TLCD3A: variants seen among roughly 807,000 people sequenced by gnomAD.
The protein encoded by TLCD3A is TLC domain-containing protein 3A.
Under a neutral mutation model 29.9 loss-of-function variants are expected in TLCD3A, and 17 were observed. The ratio of observed to expected loss-of-function variants is 0.57; its 90% CI spans 0.39 to 0.85. The LOEUF is 0.85. Ranked by LOEUF, TLCD3A falls within the 40% of genes least tolerant of loss-of-function variation. TLCD3A has a pLI of 0.00. For synonymous variants in TLCD3A, 143 were observed against 147.7 expected, an observed-to-expected ratio of 0.97 and a Z score of 0.23; for missense variants, 332 against 350.8, an observed-to-expected ratio of 0.95 and a Z score of 0.43.
At chr17:734,478 T>A (rs1472376954) in intron 2 of TLCD3A, among the ~76,000 whole-genome samples, 1 of 150,802 alleles carries the variant, frequency 6.6e-6, no homozygotes, top group African/African-American at 2.4e-5. Flanking sequence ...TGGCTAACTT[T>A]TTTTTGTTGT....
intron 1 of TLCD3A, 134 bp downstream of exon 1, chr17:732,903 G>C (rs1240013770): frequency 1.2e-5 from 16 of 1,369,360 alleles, no homozygotes; most frequent in Non-Finnish European, 1.5e-5. Flanking sequence ...CCGGCGGCCC[G>C]AGTTTCCGAA....
chr17:733,003 G>C, intron 1 of TLCD3A, 95 bp from the exon 2 acceptor site: 5 of 1,460,128 alleles, frequency 3.4e-6, no homozygotes, highest in Non-Finnish European at 4.7e-6. Context: ...ACATCTGCCT[G>C]CGGCTGGGGA....
intron 4 of TLCD3A, 145 bp downstream of exon 4, chr17:740,745 A>G: frequency 1.2e-6 from 1 of 836,218 alleles, no homozygotes; most frequent in South Asian, 1.7e-5. Context: ...GCATGTATGA[A>G]TGAATGGCAG....
chr17:732,708 T>C lies in TLCD3A; in HGVS notation c.61T>C (p.Trp21Arg). 1 of 1,438,088 alleles carries C rather than the reference T, an allele frequency of 7.0e-7. No individual in the cohort carries two copies. The highest frequency in any genetic ancestry group is 9.1e-7 in the Non-Finnish European group (1 of 1,096,330). The allele number at this position is 1,438,088 out of a possible 1,614,324, so 89.1% of individuals were successfully genotyped here. ...CCCGGGGCTCTTCGCGCTCTGCACC[T>C]GGGCGCTGCGCCGCTCCCAGCCCGG... The part of the protein sequence containing the change: ...FFPGLFALCT[W>R]ALRRSQPGWS... Residue 21 changes from tryptophan to arginine, a missense_variant, in exon 1 of 5, where the codon TGG becomes CGG. By Grantham distance (101) the Trp-to-Arg change is moderately radical. Transcript: ENST00000308278.
chr17:738,339 G>A (rs35334456), intron 3 of TLCD3A, among the ~76,000 whole-genome samples: 11,711 of 151,480 alleles, frequency 0.077, 624 homozygotes, highest in Non-Finnish European at 0.11. Context: ...CAAGTGATCC[G>A]CCCGCCTCGG....
At position 740,664 on chromosome 17, in the gene TLCD3A, A is replaced by G. The variant is rs1424319554; in HGVS notation, c.504+64A>G. On this transcript the variant is annotated intron_variant, in intron 4 of 4. Coordinates refer to ENST00000308278, the MANE Select transcript of TLCD3A (RefSeq NM_024792.3). ...GATTCAGGCATGTATGAATGAAATG[A>G]CAGAGAGAGTGAGGGTTCTGATTCA... is the stretch of plus-strand genomic sequence containing the variant. The G allele has an allele frequency of 3.3e-5, 49 of 1,489,480 alleles. No individual in the cohort carries two copies. In the African/African-American group the frequency reaches 6.7e-4, roughly 20 times the overall value. 92.3% of individuals were successfully genotyped at this position (1,489,480 alleles called of 1,614,324 possible).
intron 1 of TLCD3A, 35 bp downstream of exon 1, chr17:732,804 G>T: frequency 7.0e-7 from 1 of 1,430,196 alleles, no homozygotes; most frequent in South Asian, 1.4e-5. Context: ...CCGAGGCCCG[G>T]GGCGCTGCCC....
intron 1 of TLCD3A, 157 bp from the exon 2 acceptor site, chr17:732,941 G>C (rs2144103560): frequency 7.2e-7 from 1 of 1,385,408 alleles, no homozygotes; most frequent in Non-Finnish European, 9.5e-7. Context: ...CCTGGCGGGA[G>C]CGGGGCCGGG....
rs914391792 is a variant in TLCD3A, at chr17:736,593, A to G, written c.207-1253A>G. ...CTTTTGACCTAGCCTCTCTCCTGGTACCTAACCGCTGTAATGTGGCCCTTG... is the reference window on the plus strand; with the variant it reads ...CTTTTGACCTAGCCTCTCTCCTGGTGCCTAACCGCTGTAATGTGGCCCTTG... On this transcript the variant is annotated intron_variant, in intron 2 of 4. Transcript: ENST00000308278. 3.3e-5 allele frequency among the ~76,000 whole-genome samples: 5 copies of G among 152,188 alleles called. No homozygotes were observed. In the South Asian group the frequency reaches 1.0e-3, roughly 32 times the overall value.
Position 742,444 on chromosome 17 carries a change from C to T in TLCD3A, c.*874C>T, listed in dbSNP as rs542340976. ...TGTTTACTGGGTAACCCCACTGTGACACTGTCCTTTTCATGTGATGTGGAA... is the reference window on the plus strand; with the variant it reads ...TGTTTACTGGGTAACCCCACTGTGATACTGTCCTTTTCATGTGATGTGGAA... On this transcript the variant is annotated 3_prime_UTR_variant, in exon 5 of 5. Transcript: ENST00000308278. The T allele has an allele frequency of 6.6e-6, 1 of 152,372 alleles. No individual in the cohort carries two copies. Among genetic ancestry groups the T allele is most frequent in the South Asian group, 2.1e-4 (1 of 4,830 alleles). The allele number at this position is 152,372 out of a possible 1,614,324, so 9.4% of individuals were successfully genotyped here. A position where few individuals can be genotyped will look rare whatever the true frequency, so the allele number is the denominator to read the frequency against.
chr17:741,273 T>G, intron 4 of TLCD3A, 28 bp from the exon 5 acceptor site: 1 of 1,612,258 alleles, frequency 6.2e-7, no homozygotes, highest in East Asian at 2.2e-5. Context: ...TTGGTGACCT[T>G]ACCTTTTTCC....
intron 2 of TLCD3A, 133 bp downstream of exon 2, chr17:733,314 C>A: frequency 1.2e-6 from 1 of 829,964 alleles, no homozygotes; most frequent in Non-Finnish European, 1.8e-6. Flanking sequence ...CCTTCTTCCT[C>A]TCCGGAGTCT....
chr17:740,735 G>A, intron 4 of TLCD3A, 135 bp downstream of exon 4: 8 of 914,122 alleles, frequency 8.8e-6, no homozygotes, highest in Non-Finnish European at 1.3e-5. Flanking sequence ...TCTGATTCAG[G>A]CATGTATGAA....
rs1203351370 is a variant in TLCD3A, at chr17:742,643, T to C, written c.*1073T>C. ...GGCGGCAGCTAGCCTGGCCAGTGGC[T>C]GTCCCGTGGACCGACACCTGCGCCC... On this transcript the variant is annotated 3_prime_UTR_variant, in exon 5 of 5. Transcript: ENST00000308278. 2 of 152,466 alleles carry C rather than the reference T, an allele frequency of 1.3e-5. No individual in the cohort carries two copies. Among genetic ancestry groups the C allele is most frequent in the Non-Finnish European group, 2.9e-5 (2 of 68,054 alleles). The allele number at this position is 152,466 out of a possible 1,614,324, so 9.4% of individuals were successfully genotyped here.
chr17:734,249 G>T (rs1360333191), intron 2 of TLCD3A, among the ~76,000 whole-genome samples: 1 of 151,380 alleles, frequency 6.6e-6, no homozygotes, highest in Non-Finnish European at 1.5e-5. Context: ...GAACTCCTGG[G>T]CTCAAGTCAT....
At position 741,565 on chromosome 17, in the gene TLCD3A, G is replaced by T; in HGVS notation, c.769G>T (p.Gly257Cys). Residue 257 changes from glycine (G) to cysteine (C), a missense_variant, in exon 5 of 5, where the codon GGC (glycine) becomes TGC (cysteine). Physicochemically the swap from Gly to Cys is radical, Grantham distance 159. Coordinates refer to ENST00000308278, the MANE Select transcript of TLCD3A (RefSeq NM_024792.3). ...TGACACTCCCCAAGCCAAAAAGGAT[G>T]GCTAAATGCTCCTGGGAGTCAGGCG... ...LFDTPQAKKD[G>C] 1 of 1,612,446 alleles carries T rather than the reference G, an allele frequency of 6.2e-7. No homozygotes were observed. The highest frequency in any genetic ancestry group is 8.5e-7 in the Non-Finnish European group (1 of 1,179,986).
chr17:735,961 A>G (rs569350992), intron 2 of TLCD3A, among the ~76,000 whole-genome samples: 21 of 146,954 alleles, frequency 1.4e-4, no homozygotes, highest in African/African-American at 4.8e-4. Flanking sequence ...GCGACAGAGC[A>G]AGATTTTGTC....
chr17:740,846 T>C (rs1384585137), intron 4 of TLCD3A, among the ~76,000 whole-genome samples: 2 of 152,084 alleles, frequency 1.3e-5, no homozygotes, highest in East Asian at 3.9e-4. Context: ...TCGGAGATGG[T>C]GGGTGTGGAG....
intron 2 of TLCD3A, among the ~76,000 whole-genome samples, chr17:737,165 C>T (rs1363796541): frequency 6.6e-6 from 1 of 152,148 alleles, no homozygotes; most frequent in East Asian, 1.9e-4. Context: ...GTGTGCGCCA[C>T]CACATCTGAC....
Sources: allele counts gnomAD v4.1 joint callset (sites outside exome capture counted in the v4.1 genomes callset), GRCh38; gene constraint gnomAD v4.1.1; transcripts MANE v1.5; gene names NCBI Gene and HGNC (gene_info 2026-07-23, HGNC 2026-07-21).